SNAPC2: variants seen among roughly 807,000 people sequenced by gnomAD.
SNAPC2 encodes the protein snRNA-activating protein complex subunit 2.
SNAPC2 carries 27 observed loss-of-function variants against 22.9 expected under a neutral mutation model. The ratio of observed to expected loss-of-function variants is 1.18; its 90% confidence interval spans 0.87 to 1.63. The LOEUF (loss-of-function observed/expected upper bound fraction) is 1.63. SNAPC2 is among the 40% of genes most tolerant of loss of function. SNAPC2 has a pLI of 0.00. For synonymous variants in SNAPC2, 272 were observed against 201.0 expected (o/e 1.35, Z -2.99); for missense variants, 570 against 449.1 (o/e 1.27, Z -2.43).
In SNAPC2 at chr19:7,922,937, A is replaced by C; in HGVS notation, c.*173A>C. 3.5e-6 allele frequency: 2 copies of C among 564,166 alleles called. No individual in the cohort carries two copies. The highest frequency in any genetic ancestry group is 3.4e-5 in the Admixed American group (1 of 29,766). 34.9% of individuals were successfully genotyped at this position (564,166 alleles called of 1,614,324 possible). A position where few individuals can be genotyped will look rare whatever the true frequency, so the allele number is the denominator to read the frequency against. On this transcript the variant is annotated 3_prime_UTR_variant, in exon 5 of 5. Coordinates refer to ENST00000221573, the MANE Select transcript of SNAPC2 (RefSeq NM_003083.4). Reference sequence around the variant, plus strand: ...ATACTTTGGGGGTCTCAGAAATGGAACCCCCGTTGTACAGGGGTTGGGTGG... The same window carrying C: ...ATACTTTGGGGGTCTCAGAAATGGACCCCCCGTTGTACAGGGGTTGGGTGG...
Position 7,922,564 on chromosome 19 carries a change from A to G in SNAPC2, c.805A>G (p.Ile269Val). The change falls in exon 5 of 5, where the codon ATT becomes GTT. Residue 269 changes from isoleucine (I) to valine (V), a missense_variant. Ile to Val is a conservative substitution (Grantham distance 29, BLOSUM62 3). Coordinates refer to ENST00000221573, the MANE Select transcript of SNAPC2 (RefSeq NM_003083.4). ...CCTACGCCTGACAGCCCCCCAGCCC[A>G]TTCCCGCTGGAGGGAGCCTGGGGCC... is the stretch of plus-strand genomic sequence containing the variant. ...TYLRLTAPQPIPAGGSLGPAA... is the reference protein window; with the variant it reads ...TYLRLTAPQPVPAGGSLGPAA... The G allele has an allele frequency of 4.3e-6, 7 of 1,613,246 alleles. No individual in the cohort carries two copies. In the Middle Eastern group the frequency reaches 6.6e-4, roughly 152 times the overall value.
rs765076101 is a variant in SNAPC2, at chr19:7,922,191, T to C, written c.529T>C (p.Ser177Pro). The C allele has an allele frequency of 5.2e-5, 84 of 1,613,920 alleles. No homozygotes were observed. The East Asian group carries it at 1.9e-3, about 36-fold the overall frequency. ...IPSSAPAAPS[S>P]APRTPDPAPE... ...TAGCTCTGCCCCTGCTGCACCTAGCTCCGCACCCAGGACTCCTGACCCTGC... is the reference window on the plus strand; with the variant it reads ...TAGCTCTGCCCCTGCTGCACCTAGCCCCGCACCCAGGACTCCTGACCCTGC... The change falls in exon 4 of 5, where the codon TCC becomes CCC. Residue 177 changes from serine (S) to proline (P), a missense_variant. By Grantham distance (74) the Ser-to-Pro change is moderately conservative. Transcript: ENST00000221573.
rs565110772 is a variant in SNAPC2 at position 7,922,801 on chromosome 19, G to A, written c.*37G>A. On this transcript the variant is annotated 3_prime_UTR_variant, in exon 5 of 5. Transcript: ENST00000221573. ...GGCAGGAGGCCACACCAGGCCCCCC[G>A]CCCTGCCCCTCGGTTCTGCTCGGCT... is the stretch of plus-strand genomic sequence containing the variant. The A allele has an allele frequency of 2.9e-5, 42 of 1,473,334 alleles. 1 individual carries two copies. In the East Asian group the frequency reaches 4.8e-4, roughly 17 times the overall value. The allele number at this position is 1,473,334 out of a possible 1,614,324, so 91.3% of individuals were successfully genotyped here. A position where few individuals can be genotyped will look rare whatever the true frequency, so the allele number is the denominator to read the frequency against.
intron 1 of SNAPC2, chr19:7,921,095 C>G: frequency 8.1e-7 from 1 of 1,231,700 alleles, no homozygotes; most frequent in South Asian, 2.0e-5. Flanking sequence ...GCAACGCATG[C>G]TGTTGGACAG....
rs1983623479 is a variant in SNAPC2 at position 7,922,609 on chromosome 19, G to A, written c.850G>A (p.Ala284Thr). The change falls in exon 5 of 5, where the codon GCT becomes ACT. Residue 284 changes from alanine to threonine, a missense_variant. Physicochemically the swap from Ala to Thr is moderately conservative, Grantham distance 58. Transcript: ENST00000221573. ...GGGGCCTGCAGCAGAAGGGGATGGG[G>A]CTGGCTCCAAGGCACCAGAGGAGAC... ...SLGPAAEGDG[A>T]GSKAPEETPP... is the part of the protein sequence containing the mutation. 1.9e-6 allele frequency: 3 copies of A among 1,613,598 alleles called. No homozygotes were observed. The highest frequency in any genetic ancestry group is 1.1e-5 in the South Asian group (1 of 91,080).
In SNAPC2 at chr19:7,922,194, G is replaced by C. The variant is rs141029808; in HGVS notation, c.532G>C (p.Ala178Pro). The C allele has an allele frequency of 1.2e-6, 2 of 1,613,950 alleles. No individual in the cohort carries two copies. The highest frequency in any genetic ancestry group is 3.3e-5 in the Admixed American group (2 of 59,988). The change falls in exon 4 of 5, where the codon GCA becomes CCA. Residue 178 changes from alanine (A) to proline (P), a missense_variant. Ala to Pro is a conservative substitution (Grantham distance 27). Coordinates refer to ENST00000221573, the MANE Select transcript of SNAPC2 (RefSeq NM_003083.4). ...CTCTGCCCCTGCTGCACCTAGCTCC[G>C]CACCCAGGACTCCTGACCCTGCCCC... ...PSSAPAAPSS[A>P]PRTPDPAPEK...
In SNAPC2 at chr19:7,922,442, T is replaced by G; in HGVS notation, c.686-3T>G. 4 of 1,584,410 alleles carry G rather than the reference T, an allele frequency of 2.5e-6. No homozygotes were observed. The highest frequency in any genetic ancestry group is 3.4e-6 in the Non-Finnish European group (4 of 1,162,968). On this transcript the variant is annotated splice_region_variant and splice_polypyrimidine_tract_variant and intron_variant, in intron 4 of 4. Transcript: ENST00000221573. ...CTTACCCCTCTCCTCCATCCATCAC[T>G]AGAGTCCGCTGTGGTCCTCGACCTG...
At position 7,922,534 on chromosome 19, in the gene SNAPC2, A is replaced by G. The variant is rs781062360; in HGVS notation, c.775A>G (p.Thr259Ala). The G allele has an allele frequency of 6.2e-7, 1 of 1,612,530 alleles. No homozygotes were observed. The highest frequency in any genetic ancestry group is 1.1e-5 in the South Asian group (1 of 90,990). The change falls in exon 5 of 5, where the codon ACG becomes GCG. Residue 259 changes from threonine (T) to alanine (A), a missense_variant. Physicochemically the swap from Thr to Ala is moderately conservative, Grantham distance 58. Transcript: ENST00000221573. Reference sequence around the variant, plus strand: ...AGCCCTGGTTGAGCATATGACGGAGACGTACCTACGCCTGACAGCCCCCCA... The same window carrying G: ...AGCCCTGGTTGAGCATATGACGGAGGCGTACCTACGCCTGACAGCCCCCCA... ...CTALVEHMTE[T>A]YLRLTAPQPI...
rs1983564297 is a variant in SNAPC2, at chr19:7,921,376, G to A, written c.184-47G>A. 5 of 1,613,092 alleles carry A rather than the reference G, an allele frequency of 3.1e-6. No individual in the cohort carries two copies. In the Admixed American group the frequency reaches 8.3e-5, roughly 27 times the overall value. On this transcript the variant is annotated intron_variant, in intron 1 of 4. Transcript: ENST00000221573. The stretch of plus-strand genomic sequence containing the variant: ...ATTGGGCTTTGGCTTCTCTGCTGCA[G>A]CCCTGAGCTCATAGAAGCCTCATTC...
rs1560122 is a variant in SNAPC2 at position 7,922,952 on chromosome 19, G to A, written c.*188G>A. 176 of 547,360 alleles carry A rather than the reference G, an allele frequency of 3.2e-4. 1 individual carries two copies. In the East Asian group the frequency reaches 5.2e-3, roughly 16 times the overall value. The allele number at this position is 547,360 out of a possible 1,614,324, so 33.9% of individuals were successfully genotyped here. Reference sequence around the variant, plus strand: ...CAGAAATGGAACCCCCGTTGTACAGGGGTTGGGTGGGGGTTGCAGGACTCC... The same window carrying A: ...CAGAAATGGAACCCCCGTTGTACAGAGGTTGGGTGGGGGTTGCAGGACTCC... On this transcript the variant is annotated 3_prime_UTR_variant, in exon 5 of 5. Transcript: ENST00000221573.
rs374202688 is a variant in SNAPC2, at chr19:7,922,638, C to A, written c.879C>A (p.Pro293=). ...GAGSKAPEET[P]PATEKAEHSE... is the part of the protein sequence containing the mutation. ...GCTCCAAGGCACCAGAGGAGACCCCCCCAGCCACCGAGAAGGCCGAGCACA... is the reference window on the plus strand; with the variant it reads ...GCTCCAAGGCACCAGAGGAGACCCCACCAGCCACCGAGAAGGCCGAGCACA... The change falls in exon 5 of 5, where the codon CCC becomes CCA. Residue 293 remains proline, a synonymous_variant. Coordinates refer to ENST00000221573, the MANE Select transcript of SNAPC2 (RefSeq NM_003083.4). 2 of 1,611,834 alleles carry A rather than the reference C, an allele frequency of 1.2e-6. No individual in the cohort carries two copies. Among genetic ancestry groups the A allele is most frequent in the Admixed American group, 3.4e-5 (2 of 59,692 alleles).
Position 7,922,480 on chromosome 19 carries a change from C to G in SNAPC2, c.721C>G (p.Pro241Ala), listed in dbSNP as rs1312051069. The G allele has an allele frequency of 1.2e-6, 2 of 1,600,570 alleles. No homozygotes were observed. The highest frequency in any genetic ancestry group is 1.7e-5 in the Admixed American group (1 of 58,844). The change falls in exon 5 of 5, where the codon CCA (proline) becomes GCA (alanine). Residue 241 changes from proline to alanine, a missense_variant. Pro to Ala is a conservative substitution (Grantham distance 27). Transcript: ENST00000221573. Reference sequence around the variant, plus strand: ...GGTCCTCGACCTGCTCATGTCACTTCCAGAGGAGCTGCCACTCCTGCCCTG... The same window carrying G: ...GGTCCTCGACCTGCTCATGTCACTTGCAGAGGAGCTGCCACTCCTGCCCTG... ...AVVLDLLMSL[P>A]EELPLLPCTA...
Position 7,923,038 on chromosome 19 carries a change from G to A in SNAPC2, c.*274G>A. ...AGGGCTGGCCTCCCCCAGTCCCCAA[G>A]CCCCACTGTGCCTTGTTGTCTGCTG... On this transcript the variant is annotated 3_prime_UTR_variant, in exon 5 of 5. Transcript: ENST00000221573. The A allele has an allele frequency of 2.4e-6, 1 of 423,080 alleles. No homozygotes were observed. Among genetic ancestry groups the A allele is most frequent in the Non-Finnish European group, 4.2e-6 (1 of 237,378 alleles). 26.2% of individuals were successfully genotyped at this position (423,080 alleles called of 1,614,324 possible). A position where few individuals can be genotyped will look rare whatever the true frequency, so the allele number is the denominator to read the frequency against.
intron 3 of SNAPC2, 21 bp downstream of exon 3, chr19:7,921,794 A>G (rs929172721): frequency 1.9e-6 from 3 of 1,609,340 alleles, no homozygotes; most frequent in Non-Finnish European, 8.5e-7. Flanking sequence ...TCCCCCAGGC[A>G]GGTCAGGGTG....
rs1030886693 is a variant in SNAPC2 at position 7,922,425 on chromosome 19, T to G, written c.686-20T>G. On this transcript the variant is annotated intron_variant, in intron 4 of 4. Transcript: ENST00000221573. Reference sequence around the variant, plus strand: ...GCAGGCAGGGGTGTCCCCTTACCCCTCTCCTCCATCCATCACTAGAGTCCG... The same window carrying G: ...GCAGGCAGGGGTGTCCCCTTACCCCGCTCCTCCATCCATCACTAGAGTCCG... The G allele has an allele frequency of 6.3e-7, 1 of 1,580,554 alleles. No homozygotes were observed. Among genetic ancestry groups the G allele is most frequent in the African/African-American group, 1.3e-5 (1 of 74,120 alleles).
intron 3 of SNAPC2, 60 bp from the exon 4 acceptor site, chr19:7,921,975 T>G: frequency 6.5e-7 from 1 of 1,532,956 alleles, no homozygotes; most frequent in Non-Finnish European, 8.9e-7. Context: ...GATGGGGGAA[T>G]GTGTAGACGG....
intron 1 of SNAPC2, chr19:7,921,028 G>A: frequency 8.7e-7 from 1 of 1,149,402 alleles, no homozygotes; most frequent in Non-Finnish European, 1.1e-6. Context: ...TGGGTGAGGC[G>A]AGGGCTAAAC....
chr19:7,921,903 CCT>C, intron 3 of SNAPC2, 130 bp downstream of exon 3: 1 of 1,348,822 alleles, frequency 7.4e-7, no homozygotes, highest in African/African-American at 1.4e-5. Context: ...ACACCTCGAG[CCT>C]CAGTGTCCCT....
chr19:7,921,453 C>T lies in SNAPC2; in HGVS notation c.214C>T (p.Arg72Cys), dbSNP rs1357477892. 5.0e-6 allele frequency: 8 copies of T among 1,613,852 alleles called. No individual in the cohort carries two copies. The highest frequency in any genetic ancestry group is 6.8e-6 in the Non-Finnish European group (8 of 1,179,840). The change falls in exon 2 of 5, where the codon CGC (arginine) becomes TGC (cysteine). Residue 72 changes from arginine (R) to cysteine (C), a missense_variant. Arg to Cys is a radical substitution (Grantham distance 180). Coordinates refer to ENST00000221573, the MANE Select transcript of SNAPC2 (RefSeq NM_003083.4). ...GGTCTTCCTCCAGCAGCTCAAGGGC[C>T]GCGTAGCCCGGGAGGCCATTCAGAA... is the stretch of plus-strand genomic sequence containing the variant. ...IRVFLQQLKG[R>C]VAREAIQKVH...
Sources: allele counts gnomAD v4.1 joint callset, GRCh38; gene constraint gnomAD v4.1.1; transcripts MANE v1.5; gene names NCBI Gene and HGNC (gene_info 2026-07-23, HGNC 2026-07-21).